Variants in PRKG1 observed in about 807,000 individuals in gnomAD.
The protein encoded by PRKG1 is cGMP-dependent protein kinase 1.
A neutral mutation model predicts 88.1 loss-of-function variants in PRKG1; 35 were observed. The observed-to-expected ratio is 0.40, with a 90% confidence interval of 0.30 to 0.53. PRKG1 has a LOEUF of 0.53. PRKG1 is among the 20% of genes least tolerant of loss of function. The pLI, the probability that PRKG1 is intolerant of heterozygous loss-of-function variation, is 0.59. For synonymous variants in PRKG1, 303 were observed against 292.5 expected (o/e 1.04, Z -0.37); for missense variants, 540 against 839.8 (o/e 0.64, Z 4.41).
At chr10:51,267,717 A>T (rs1839872627) in intron 2 of PRKG1, among the ~76,000 whole-genome samples, 1 of 152,200 alleles carries the variant, frequency 6.6e-6, no homozygotes, top group Non-Finnish European at 1.5e-5. Context: ...CTGGAAGATA[A>T]CATCGGGAAA....
At chr10:51,570,910 G>A (rs1286581326) in intron 3 of PRKG1, among the ~76,000 whole-genome samples, 2 of 151,892 alleles carry the variant, frequency 1.3e-5, no homozygotes, top group Non-Finnish European at 2.9e-5. Context: ...CCATCAAAAT[G>A]TGTTTCCTGA....
intron 2 of PRKG1, among the ~76,000 whole-genome samples, chr10:51,388,674 G>C (rs923637722): frequency 6.6e-6 from 1 of 152,074 alleles, no homozygotes; most frequent in South Asian, 2.1e-4. Context: ...GATTGTTTTG[G>C]TAACTTTATA....
At chr10:51,699,602 T>C (rs1841409980) in intron 3 of PRKG1, 3 of 1,545,042 alleles carry the variant, frequency 1.9e-6, no homozygotes, top group Non-Finnish European at 2.6e-6. Flanking sequence ...GTCTGTCCTC[T>C]TGCGACCGAC....
chr10:51,629,736 C>T (rs573167885), intron 3 of PRKG1, among the ~76,000 whole-genome samples: 24 of 152,284 alleles, frequency 1.6e-4, no homozygotes, highest in African/African-American at 5.5e-4. Context: ...TGGACAAAGT[C>T]GATTCACCTG....
chr10:52,198,229 G>C (rs909923803), intron 9 of PRKG1, among the ~76,000 whole-genome samples: 7 of 152,156 alleles, frequency 4.6e-5, no homozygotes, highest in African/African-American at 1.7e-4. Context: ...TTTGAAAATT[G>C]CATCTCTTAA....
At chr10:51,495,795 C>T (rs893473440) in intron 3 of PRKG1, among the ~76,000 whole-genome samples, 11 of 152,140 alleles carry the variant, frequency 7.2e-5, no homozygotes, top group African/African-American at 1.7e-4. Flanking sequence ...CAGCATACTT[C>T]GGCCAACATG....
chr10:52,220,413 T>TA lies in PRKG1; in HGVS notation c.1077-31157_1077-31156insA, dbSNP rs1564520889. Among the ~76,000 whole-genome samples the TA allele has an allele frequency of 3.0e-3, 451 of 151,050 alleles. 4 individuals are homozygous for TA. Among genetic ancestry groups the TA allele is most frequent in the African/African-American group, 0.011 (433 of 41,048 alleles). On this transcript the variant is annotated intron_variant, in intron 9 of 17. Transcript: ENST00000373980. The stretch of plus-strand genomic sequence containing the variant: ...TTCATATCTGCAGAGATGACATCTT[T>TA]TATATATATATATATATGTAAGTTC...
chr10:51,097,091 G>C (rs1844548322), intron 1 of PRKG1, among the ~76,000 whole-genome samples: 3 of 152,146 alleles, frequency 2.0e-5, no homozygotes, highest in South Asian at 2.1e-4. Flanking sequence ...TCTGTTCCCT[G>C]GTATCTTTTC....
intron 3 of PRKG1, among the ~76,000 whole-genome samples, chr10:51,717,944 T>C (rs1487775199): frequency 1.3e-5 from 2 of 152,212 alleles, no homozygotes; most frequent in African/African-American, 4.8e-5. Context: ...TATTACATTA[T>C]AATAGTTTTC....
intron 4 of PRKG1, among the ~76,000 whole-genome samples, chr10:51,852,766 T>A (rs1050667943): frequency 3.3e-5 from 5 of 152,206 alleles, no homozygotes; most frequent in Non-Finnish European, 7.3e-5. Context: ...CTTCTTGTCA[T>A]CTGGCACCAC....
intron 3 of PRKG1, among the ~76,000 whole-genome samples, chr10:51,600,042 A>G (rs1447198451): frequency 3.3e-5 from 5 of 152,154 alleles, no homozygotes; most frequent in Non-Finnish European, 7.4e-5. Flanking sequence ...TGGTGATACT[A>G]TTATTTTTAA....
chr10:51,144,703 A>G (rs1201741280), intron 1 of PRKG1, among the ~76,000 whole-genome samples: 1 of 152,196 alleles, frequency 6.6e-6, no homozygotes, highest in African/African-American at 2.4e-5. Flanking sequence ...TAAATGTCTA[A>G]TGTATTAAAG....
chr10:51,442,787 A>T (rs1759540735), intron 2 of PRKG1, among the ~76,000 whole-genome samples: 1 of 152,046 alleles, frequency 6.6e-6, no homozygotes, highest in African/African-American at 2.4e-5. Context: ...CACAACCAAA[A>T]CCAAAAATTT....
chr10:51,641,945 T>C (rs1839811344), intron 3 of PRKG1, among the ~76,000 whole-genome samples: 1 of 152,184 alleles, frequency 6.6e-6, no homozygotes, highest in Admixed American at 6.5e-5. Context: ...AGAAAAGGCT[T>C]ACTTTTTAAA....
chr10:51,200,099 C>G (rs1477332286), intron 2 of PRKG1, among the ~76,000 whole-genome samples: 2 of 152,130 alleles, frequency 1.3e-5, no homozygotes, highest in African/African-American at 4.8e-5. Flanking sequence ...TGTGGGCTAA[C>G]ACTTGAAGGA....
At chr10:51,097,862 A>T (rs1844574321) in intron 1 of PRKG1, among the ~76,000 whole-genome samples, 1 of 152,056 alleles carries the variant, frequency 6.6e-6, no homozygotes, top group South Asian at 2.1e-4. Context: ...TCAATGCTTT[A>T]ACTCTTTTTT....
At chr10:51,800,530 A>G (rs1211325226) in intron 3 of PRKG1, among the ~76,000 whole-genome samples, 3 of 152,108 alleles carry the variant, frequency 2.0e-5, no homozygotes, top group Non-Finnish European at 1.5e-5. Flanking sequence ...CATGTGATAT[A>G]TTGAATACTT....
intron 5 of PRKG1, among the ~76,000 whole-genome samples, chr10:52,043,371 T>C (rs1845792911): frequency 6.6e-6 from 1 of 152,096 alleles, no homozygotes; most frequent in Non-Finnish European, 1.5e-5. Flanking sequence ...ATATACACAA[T>C]GAAATACTTT....
At chr10:52,257,551 G>C (rs1280116152) in intron 10 of PRKG1, among the ~76,000 whole-genome samples, 1 of 139,536 alleles carries the variant, frequency 7.2e-6, no homozygotes, top group Non-Finnish European at 1.6e-5. Flanking sequence ...GTGTACCCAC[G>C]GTGATTTATG....
Sources: allele counts gnomAD v4.1 joint callset (sites outside exome capture counted in the v4.1 genomes callset), GRCh38; gene constraint gnomAD v4.1.1; transcripts MANE v1.5; gene names NCBI Gene and HGNC (gene_info 2026-07-23, HGNC 2026-07-21).